ARHGAP26: variants seen among roughly 807,000 people sequenced by gnomAD.
The protein encoded by ARHGAP26 is rho GTPase-activating protein 26.
Under a neutral mutation model 104.8 loss-of-function variants are expected in ARHGAP26, and 38 were observed. The ratio of observed to expected loss-of-function variants is 0.36; its 90% CI spans 0.28 to 0.48. The LOEUF (loss-of-function observed/expected upper bound fraction) is 0.48, where lower values mean the gene tolerates loss of function less well. Ranked by LOEUF, ARHGAP26 falls within the 20% of genes least tolerant of loss-of-function variation. The pLI is 0.99. For missense variants in ARHGAP26, 704 were observed against 947.9 expected (o/e 0.74, Z 3.38); for synonymous variants, 341 against 340.0 (o/e 1.00, Z -0.03).
At chr5:143,061,724 C>T (rs1786736465) in intron 17 of ARHGAP26, among the ~76,000 whole-genome samples, 1 of 152,184 alleles carries the variant, frequency 6.6e-6, no homozygotes, top group African/African-American at 2.4e-5. Context: ...TGGTTAGTTT[C>T]TCAGCTCATG....
At chr5:142,845,027 G>A (rs1290882682) in intron 1 of ARHGAP26, among the ~76,000 whole-genome samples, 1 of 152,072 alleles carries the variant, frequency 6.6e-6, no homozygotes, top group Non-Finnish European at 1.5e-5. Flanking sequence ...CTTCTCCTCC[G>A]TTCGCTAGTG....
intron 1 of ARHGAP26, among the ~76,000 whole-genome samples, chr5:142,789,539 C>G (rs1438885188): frequency 6.6e-6 from 1 of 152,192 alleles, no homozygotes; most frequent in African/African-American, 2.4e-5. Flanking sequence ...ACCCATCTCA[C>G]TACCCAGAGG....
intron 11 of ARHGAP26, among the ~76,000 whole-genome samples, chr5:142,934,068 A>G (rs1183539584): frequency 1.3e-5 from 2 of 152,176 alleles, no homozygotes; most frequent in Non-Finnish European, 2.9e-5. Context: ...GCCAAATTAC[A>G]ACAACAAAAA....
chr5:142,882,703 A>G (rs1423619255), intron 4 of ARHGAP26, among the ~76,000 whole-genome samples: 1 of 152,234 alleles, frequency 6.6e-6, no homozygotes, highest in African/African-American at 2.4e-5. Flanking sequence ...AGCACTTTCC[A>G]TGTGGTAGGC....
chr5:142,993,748 CCTA>C (rs1192870853), intron 11 of ARHGAP26, among the ~76,000 whole-genome samples: 1 of 152,200 alleles, frequency 6.6e-6, no homozygotes, highest in Non-Finnish European at 1.5e-5. Context: ...GTCAAGCTAT[CCTA>C]CTGCTTCAGC....
intron 20 of ARHGAP26, among the ~76,000 whole-genome samples, chr5:143,160,675 G>A (rs1254430592): frequency 6.6e-6 from 1 of 151,788 alleles, no homozygotes; most frequent in Non-Finnish European, 1.5e-5. Context: ...TGTAGAGATG[G>A]GGTCTTGCTA....
chr5:142,773,752 T>C (rs1299746905), intron 1 of ARHGAP26, among the ~76,000 whole-genome samples: 1 of 152,212 alleles, frequency 6.6e-6, no homozygotes, highest in African/African-American at 2.4e-5. Flanking sequence ...CAGCAGAGTT[T>C]CTTTTGGGGG....
intron 1 of ARHGAP26, among the ~76,000 whole-genome samples, chr5:142,872,410 G>A (rs916793475): frequency 8.5e-5 from 13 of 152,098 alleles, no homozygotes; most frequent in African/African-American, 3.1e-4. Context: ...TGGGCATTTG[G>A]ACATAATGCC....
intron 20 of ARHGAP26, chr5:143,166,025 A>G (rs1374733955): frequency 2.6e-5 from 34 of 1,319,038 alleles, no homozygotes; most frequent in Non-Finnish European, 3.3e-5. Flanking sequence ...CTCTTTTAAC[A>G]GGCACTGGGG....
intron 1 of ARHGAP26, among the ~76,000 whole-genome samples, chr5:142,844,219 T>C (rs533783522): frequency 6.6e-5 from 10 of 151,848 alleles, no homozygotes; most frequent in African/African-American, 2.2e-4. Flanking sequence ...CCTGGCTGAT[T>C]TTTGTATTTT....
At chr5:142,881,964 T>G (rs781543175) in intron 4 of ARHGAP26, among the ~76,000 whole-genome samples, 10 of 152,236 alleles carry the variant, frequency 6.6e-5, no homozygotes, top group Non-Finnish European at 1.5e-4. Flanking sequence ...GGCATTCTTA[T>G]GCTAATGTGC....
chr5:142,970,607 T>C (rs887808307), intron 11 of ARHGAP26, among the ~76,000 whole-genome samples: 10 of 152,146 alleles, frequency 6.6e-5, no homozygotes, highest in Admixed American at 5.9e-4. Flanking sequence ...AAGCCAATCA[T>C]TGGGGCCAGG....
At chr5:143,130,276 A>G (rs1797175222) in intron 18 of ARHGAP26, among the ~76,000 whole-genome samples, 3 of 152,216 alleles carry the variant, frequency 2.0e-5, no homozygotes. Context: ...AGTTACCCAG[A>G]GTTATATTTT....
At chr5:142,772,190 GAA>G (rs529186355) in intron 1 of ARHGAP26, among the ~76,000 whole-genome samples, 43 of 152,368 alleles carry the variant, frequency 2.8e-4, no homozygotes, top group Admixed American at 1.9e-3. Context: ...TTCTAAAAAT[GAA>G]GAGAGAGACA....
chr5:143,128,357 A>T (rs561137523), intron 18 of ARHGAP26, among the ~76,000 whole-genome samples: 39 of 152,346 alleles, frequency 2.6e-4, no homozygotes, highest in African/African-American at 8.7e-4. Flanking sequence ...GGAAAATCAC[A>T]GCTCTCCATG....
Position 143,227,858 on chromosome 5 carries a change from G to C in ARHGAP26, c.*5412G>C. On this transcript the variant is annotated 3_prime_UTR_variant, in exon 23 of 23. Transcript: ENST00000645722. Reference sequence around the variant, plus strand: ...GGATAAATATTATGCTTACTGAGGAGAAAAAAAAAAGCGATCACAGAAAAA... The same window carrying C: ...GGATAAATATTATGCTTACTGAGGACAAAAAAAAAAGCGATCACAGAAAAA... The C allele has an allele frequency of 4.9e-6, 1 of 203,282 alleles. No individual in the cohort carries two copies. The highest frequency in any genetic ancestry group is 9.9e-6 in the Non-Finnish European group (1 of 101,124). 12.6% of individuals were successfully genotyped at this position (203,282 alleles called of 1,614,324 possible). A position where few individuals can be genotyped will look rare whatever the true frequency, so the allele number is the denominator to read the frequency against.
intron 5 of ARHGAP26, among the ~76,000 whole-genome samples, chr5:142,891,093 C>T (rs923082459): frequency 6.6e-5 from 10 of 152,004 alleles, no homozygotes; most frequent in East Asian, 1.9e-4. Flanking sequence ...TGCATCTCTC[C>T]GTGTAAGCGT....
intron 11 of ARHGAP26, among the ~76,000 whole-genome samples, chr5:142,959,241 T>G (rs1769800724): frequency 6.6e-6 from 1 of 152,252 alleles, no homozygotes; most frequent in South Asian, 2.1e-4. Flanking sequence ...TTTATCATTC[T>G]TTGTCAAACT....
chr5:142,926,270 T>G (rs1763883974), intron 10 of ARHGAP26, among the ~76,000 whole-genome samples: 1 of 152,188 alleles, frequency 6.6e-6, no homozygotes, highest in Non-Finnish European at 1.5e-5. Context: ...TCTCCATGGC[T>G]CCTGCAGTGT....
Sources: gnomAD v4.1 joint callset for allele counts (sites outside exome capture counted in the v4.1 genomes callset) on GRCh38, gnomAD v4.1.1 for gene constraint, MANE v1.5 for transcripts, NCBI Gene and HGNC (gene_info 2026-07-23, HGNC 2026-07-21) for gene names.